The following ROBO2 variants were observed in gnomAD, a reference collection of about 807,000 sequenced individuals.
The protein encoded by ROBO2 is roundabout homolog 2.
ROBO2 carries 53 observed loss-of-function variants against 160.8 expected under a neutral mutation model. The observed-to-expected ratio is 0.33, with a 90% CI of 0.26 to 0.41. The LOEUF (loss-of-function observed/expected upper bound fraction) is 0.41. Ranked by LOEUF, ROBO2 falls within the 10% of genes least tolerant of loss-of-function variation. ROBO2 has a pLI of 1.00. For synonymous variants in ROBO2, 664 were observed against 611.7 expected (o/e 1.09, Z -1.26); for missense variants, 1,577 against 1,722.4 (o/e 0.92, Z 1.49).
intron 2 of ROBO2, among the ~76,000 whole-genome samples, chr3:77,448,166 G>A (rs2080753076): frequency 6.6e-6 from 1 of 152,050 alleles, no homozygotes; most frequent in African/African-American, 2.4e-5. Context: ...TGGCATTGAT[G>A]GGCTGAGCTA....
At chr3:77,295,610 A>G (rs1356579600) in intron 2 of ROBO2, among the ~76,000 whole-genome samples, 3 of 85,622 alleles carry the variant, frequency 3.5e-5, no homozygotes, top group Admixed American at 2.2e-4. Flanking sequence ...CACCCCACAC[A>G]TAAAGTAAAA....
At chr3:75,981,154 G>A (rs879012484) in intron 2 of ROBO2, among the ~76,000 whole-genome samples, 4 of 151,430 alleles carry the variant, frequency 2.6e-5, no homozygotes, top group Admixed American at 1.3e-4. Context: ...TGAAGACAAG[G>A]GCCCATGTGT....
At chr3:77,618,473 G>A (rs1435481014) in intron 22 of ROBO2, among the ~76,000 whole-genome samples, 1 of 151,988 alleles carries the variant, frequency 6.6e-6, no homozygotes, top group African/African-American at 2.4e-5. Flanking sequence ...GTTTTATACA[G>A]GATTTTTGTT....
chr3:76,524,484 G>A (rs897684819), intron 2 of ROBO2, among the ~76,000 whole-genome samples: 1 of 151,684 alleles, frequency 6.6e-6, no homozygotes, highest in Non-Finnish European at 1.5e-5. Context: ...AGGTGAGGGC[G>A]ACAATTTTTA....
At chr3:77,360,250 C>CA (rs1246277114) in intron 2 of ROBO2, among the ~76,000 whole-genome samples, 2 of 131,340 alleles carry the variant, frequency 1.5e-5, no homozygotes, top group African/African-American at 5.4e-5. Flanking sequence ...GAATGTAATG[C>CA]AACCCCCCCC....
At chr3:77,135,779 C>T (rs913233678) in intron 2 of ROBO2, among the ~76,000 whole-genome samples, 1 of 152,108 alleles carries the variant, frequency 6.6e-6, no homozygotes, top group African/African-American at 2.4e-5. Context: ...CCTGAAGAAT[C>T]TTGAAGCAGT....
intron 2 of ROBO2, among the ~76,000 whole-genome samples, chr3:77,281,654 G>A (rs1315827804): frequency 6.6e-6 from 1 of 152,100 alleles, no homozygotes; most frequent in Non-Finnish European, 1.5e-5. Flanking sequence ...TCACCTATGT[G>A]CATCCTTCTA....
intron 2 of ROBO2, among the ~76,000 whole-genome samples, chr3:76,211,402 T>C (rs1188726840): frequency 2.0e-5 from 3 of 152,098 alleles, no homozygotes; most frequent in Non-Finnish European, 2.9e-5. Flanking sequence ...TGTCAGATAA[T>C]AGATGATAGT....
At chr3:77,286,993 AG>A (rs1268769275) in intron 2 of ROBO2, among the ~76,000 whole-genome samples, 2 of 152,236 alleles carry the variant, frequency 1.3e-5, no homozygotes, top group African/African-American at 4.8e-5. Flanking sequence ...TTAGAAATGG[AG>A]GTTGCCATTC....
At chr3:76,674,037 G>A (rs1009514282) in intron 2 of ROBO2, among the ~76,000 whole-genome samples, 2 of 152,026 alleles carry the variant, frequency 1.3e-5, no homozygotes, top group African/African-American at 4.8e-5. Context: ...CCCTCTGAAC[G>A]TGGCTTTGAA....
intron 2 of ROBO2, among the ~76,000 whole-genome samples, chr3:77,220,792 T>G (rs2085678809): frequency 6.6e-6 from 1 of 152,040 alleles, no homozygotes. Context: ...GAACTTTCAG[T>G]CCTACGCAGC....
intron 2 of ROBO2, among the ~76,000 whole-genome samples, chr3:76,329,642 C>G (rs774628896): frequency 5.3e-5 from 8 of 152,154 alleles, no homozygotes; most frequent in Non-Finnish European, 1.2e-4. Flanking sequence ...AGTTCAGAGT[C>G]AAAGGATACT....
chr3:76,642,124 A>G (rs1242228847), intron 2 of ROBO2, among the ~76,000 whole-genome samples: 3 of 152,108 alleles, frequency 2.0e-5, no homozygotes, highest in African/African-American at 2.4e-5. Flanking sequence ...AAACATTAAA[A>G]CAAATTGTTT....
intron 1 of ROBO2, among the ~76,000 whole-genome samples, chr3:77,068,419 C>T (rs137958187): frequency 1.6e-4 from 25 of 152,074 alleles, no homozygotes; most frequent in Non-Finnish European, 2.8e-4. Flanking sequence ...GGAGAATGAA[C>T]GAATCACCAC....
At chr3:77,531,210 C>A (rs1280646248) in intron 6 of ROBO2, among the ~76,000 whole-genome samples, 1 of 151,960 alleles carries the variant, frequency 6.6e-6, no homozygotes, top group Non-Finnish European at 1.5e-5. Flanking sequence ...CAATTCACAA[C>A]TTGATGGAAA....
chr3:76,320,466 A>G (rs1040850786), intron 2 of ROBO2, among the ~76,000 whole-genome samples: 2 of 152,188 alleles, frequency 1.3e-5, no homozygotes. Context: ...GACCCTACAT[A>G]TGCTCTGTAG....
intron 2 of ROBO2, among the ~76,000 whole-genome samples, chr3:77,469,582 C>T (rs2083143509): frequency 2.0e-5 from 3 of 152,072 alleles, no homozygotes; most frequent in African/African-American, 7.2e-5. Flanking sequence ...ATATGATATA[C>T]CTATAATTTG....
At chr3:77,237,411 T>TTGTTTTGTGTGTGTGTG (rs1553862751) in intron 2 of ROBO2, among the ~76,000 whole-genome samples, 2 of 131,120 alleles carry the variant, frequency 1.5e-5, no homozygotes, top group Non-Finnish European at 3.2e-5. Context: ...TTGTTTTGTT[T>TTGTTTTGTGTGTGTGTG]TGTGTGTGTG....
intron 2 of ROBO2, among the ~76,000 whole-genome samples, chr3:76,455,706 A>G (rs569750425): frequency 6.6e-6 from 1 of 152,264 alleles, no homozygotes; most frequent in South Asian, 2.1e-4. Context: ...CTTTTCATGC[A>G]CATTCCTTTC....
Sources: gnomAD v4.1 joint callset for allele counts (sites outside exome capture counted in the v4.1 genomes callset) on GRCh38, gnomAD v4.1.1 for gene constraint, MANE v1.5 for transcripts, NCBI Gene and HGNC (gene_info 2026-07-23, HGNC 2026-07-21) for gene names.